The following H2BC12 variants were observed in gnomAD, a reference collection of about 807,000 sequenced individuals.
The protein encoded by H2BC12 is H2B clustered histone 12.
A neutral mutation model predicts 6.3 loss-of-function variants in H2BC12; 6 were observed. That is an observed-to-expected ratio of 0.95 (90% CI 0.52 to 1.87). H2BC12 has a LOEUF of 1.87. Among genes scored for constraint, H2BC12 ranks in the 40% most tolerant of loss-of-function variants. The probability of loss-of-function intolerance (pLI) is 0.01; values close to 1 mark genes in which losing one functional copy is unlikely to be tolerated. For synonymous variants in H2BC12, 132 were observed against 78.5 expected, an observed-to-expected ratio of 1.68 and a Z score of -3.60; for missense variants, 119 against 178.4, an observed-to-expected ratio of 0.67 and a Z score of 1.90.
At chr6:27,141,726 T>C (rs1760009428), downstream of H2BC12, among the ~76,000 whole-genome samples, 1 of 152,230 alleles carries the variant, frequency 6.6e-6, no homozygotes, top group Admixed American at 6.5e-5. Context: ...GTTATGTTAT[T>C]GTTAAATCTG....
chr6:27,139,461 C>G, the H2BC12 span: 4 of 1,614,222 alleles, frequency 2.5e-6, no homozygotes, highest in Non-Finnish European at 3.4e-6. Flanking sequence ...CTGGCCTCAT[C>G]TATGAGGAGA....
downstream of H2BC12, among the ~76,000 whole-genome samples, chr6:27,145,243 G>T (rs1040947704): frequency 6.6e-6 from 1 of 151,558 alleles, no homozygotes; most frequent in Non-Finnish European, 1.5e-5. Context: ...AAATGCCTAA[G>T]GGCGGGCAAT....
chr6:27,140,352 C>T, the H2BC12 span, among the ~76,000 whole-genome samples: 14 of 152,142 alleles, frequency 9.2e-5, no homozygotes, highest in Non-Finnish European at 1.8e-4. Context: ...ACTGTTCCCA[C>T]GCGTTTTAAC....
rs1760096745 is a variant in H2BC12, at chr6:27,146,762, T to G, written c.37A>C (p.Lys13Gln). 6.2e-7 allele frequency: 1 copy of G among 1,614,224 alleles called. No homozygotes were observed. The highest frequency in any genetic ancestry group is 8.5e-7 in the Non-Finnish European group (1 of 1,180,036). The change falls in exon 1 of 1, where the codon AAG becomes CAG. Residue 13 changes from lysine (K) to glutamine (Q), a missense_variant. This residue lies in a region of H2BC12 where 50 missense variants were observed against 37.4 expected (regional missense o/e 1.34). Coordinates refer to ENST00000356950, the MANE Select transcript of H2BC12 (RefSeq NM_001312653.2). ...TTAGTCACGGCTTTCTTCGAGCCCT[T>G]CTTGGGCGCGGGAGCGGACTTCGCT... is the stretch of plus-strand genomic sequence containing the variant. Reference protein sequence around the residue: ...EPAKSAPAPKKGSKKAVTKAQ... With the variant: ...EPAKSAPAPKQGSKKAVTKAQ...
downstream of H2BC12, among the ~76,000 whole-genome samples, chr6:27,145,295 T>TACACACACACAC (rs57882884): frequency 5.6e-3 from 800 of 142,698 alleles, 12 homozygotes; most frequent in African/African-American, 0.015. Flanking sequence ...ATATGTTAAA[T>TACACACACACAC]ACACACACAC....
rs761841491 is a variant in H2BC12 at position 27,146,819 on chromosome 6, C to T, written c.-21G>A. 2 of 1,610,260 alleles carry T rather than the reference C, an allele frequency of 1.2e-6. No individual in the cohort carries two copies. Among genetic ancestry groups the T allele is most frequent in the African/African-American group, 2.7e-5 (2 of 74,660 alleles). ...GGCATGTTGAAGGCGAACTACGAGCCTGAGACGAGCAGCAGATCGAGAAAA... is the reference window on the plus strand; with the variant it reads ...GGCATGTTGAAGGCGAACTACGAGCTTGAGACGAGCAGCAGATCGAGAAAA... On this transcript the variant is annotated 5_prime_UTR_variant, in exon 1 of 1. Coordinates refer to ENST00000356950, the MANE Select transcript of H2BC12 (RefSeq NM_001312653.2).
chr6:27,143,846 TAA>T (rs34292040), downstream of H2BC12, among the ~76,000 whole-genome samples: 1,575 of 113,530 alleles, frequency 0.014, 26 homozygotes, highest in African/African-American at 0.039. Context: ...AACTACTCTT[TAA>T]AAAAAAAAAA....
the H2BC12 span, chr6:27,139,681 A>G: frequency 6.5e-7 from 1 of 1,531,376 alleles, no homozygotes; most frequent in Non-Finnish European, 8.7e-7. Flanking sequence ...CTAAGCTTTC[A>G]ACAAAAGAGT....
chr6:27,144,468 G>C (rs1000535928), downstream of H2BC12, among the ~76,000 whole-genome samples: 16 of 124,706 alleles, frequency 1.3e-4, 1 homozygote, highest in South Asian at 1.3e-3. Flanking sequence ...TCTGGGGGGG[G>C]GGGGGGGGGC....
At chr6:27,146,319 C>G (rs1200472080), downstream of H2BC12, 16 of 1,566,224 alleles carry the variant, frequency 1.0e-5, no homozygotes, top group Admixed American at 2.9e-4. Flanking sequence ...GAATTTAAGC[C>G]TGGATTAGGA....
downstream of H2BC12, among the ~76,000 whole-genome samples, chr6:27,143,456 C>T (rs1760032040): frequency 6.6e-6 from 1 of 152,156 alleles, no homozygotes; most frequent in African/African-American, 2.4e-5. Flanking sequence ...AAAGTAGTGA[C>T]ATGATATATT....
downstream of H2BC12, chr6:27,146,318 C>T (rs1760079514): frequency 6.4e-7 from 1 of 1,564,404 alleles, no homozygotes. Flanking sequence ...CGAATTTAAG[C>T]CTGGATTAGG....
In H2BC12 at chr6:27,146,731, T is replaced by C; in HGVS notation, c.68A>G (p.Gln23Arg). The C allele has an allele frequency of 1.9e-6, 3 of 1,614,270 alleles. No individual in the cohort carries two copies. Among genetic ancestry groups the C allele is most frequent in the Non-Finnish European group, 2.5e-6 (3 of 1,180,050 alleles). Residue 23 changes from glutamine to arginine, a missense_variant, in exon 1 of 1, where the codon CAG becomes CGG. By Grantham distance (43) the Gln-to-Arg change is conservative. Around this residue, in one of 2 missense-constraint regions of H2BC12, gnomAD observed 50 missense variants for 37.4 expected, o/e 1.34. Coordinates refer to ENST00000356950, the MANE Select transcript of H2BC12 (RefSeq NM_001312653.2). ...CTTGCGCTTCTTGCCGTCCTTCTTC[T>C]GCGCCTTAGTCACGGCTTTCTTCGA... ...KGSKKAVTKA[Q>R]KKDGKKRKRS... is the part of the protein sequence containing the mutation.
At chr6:27,144,538 G>A (rs566148729), downstream of H2BC12, among the ~76,000 whole-genome samples, 3 of 151,242 alleles carry the variant, frequency 2.0e-5, no homozygotes, top group Admixed American at 2.0e-4. Flanking sequence ...AAAGGGGTGA[G>A]GGTGAAAGCA....
chr6:27,140,500 T>G, the H2BC12 span, among the ~76,000 whole-genome samples: 1 of 152,014 alleles, frequency 6.6e-6, no homozygotes, highest in Non-Finnish European at 1.5e-5. Flanking sequence ...AGTAAATACT[T>G]TATTCATTTC....
chr6:27,139,327 G>A, the H2BC12 span: 1 of 1,611,340 alleles, frequency 6.2e-7, no homozygotes, highest in Non-Finnish European at 8.5e-7. Flanking sequence ...ACGCGGCAAA[G>A]GAGGTAAGGG....
At chr6:27,145,012 G>C (rs1483809577), downstream of H2BC12, among the ~76,000 whole-genome samples, 1 of 152,044 alleles carries the variant, frequency 6.6e-6, no homozygotes, top group East Asian at 1.9e-4. Context: ...AGCCATGCTG[G>C]TTTTGAATTC....
At chr6:27,145,339 A>C (rs764362610), downstream of H2BC12, among the ~76,000 whole-genome samples, 113 of 115,656 alleles carry the variant, frequency 9.8e-4, no homozygotes, top group Admixed American at 2.9e-3. Flanking sequence ...CACACACACA[A>C]AATTCCCCTG....
chr6:27,139,516 G>C, the H2BC12 span: 1 of 1,611,990 alleles, frequency 6.2e-7, no homozygotes, highest in Admixed American at 1.7e-5. Context: ...GATCCGGGAC[G>C]CCGTGACCTA....
Sources: allele counts gnomAD v4.1 joint callset (sites outside exome capture counted in the v4.1 genomes callset), GRCh38; gene constraint gnomAD v4.1.1; regional missense constraint gnomAD v4.1.1; transcripts MANE v1.5; gene names NCBI Gene and HGNC (gene_info 2026-07-23, HGNC 2026-07-21).